SLC25A20: variants seen among roughly 807,000 people sequenced by gnomAD.
The protein encoded by SLC25A20 is solute carrier family 25 member 20.
In SLC25A20, 29 loss-of-function variants were observed where a neutral mutation model predicts 39.7. That is an observed-to-expected ratio of 0.73 (90% confidence interval 0.54 to 1.00). The LOEUF (loss-of-function observed/expected upper bound fraction) is 1.00. SLC25A20 is among the 50% of genes least tolerant of loss of function. The pLI is 0.00. For synonymous variants in SLC25A20, 103 were observed against 142.2 expected, an observed-to-expected ratio of 0.72 and a Z score of 1.96; for missense variants, 333 against 379.9, an observed-to-expected ratio of 0.88 and a Z score of 1.03.
intron 5 of SLC25A20, 122 bp downstream of exon 5, chr3:48,862,420 T>C: frequency 1.3e-6 from 1 of 755,474 alleles, no homozygotes; most frequent in Non-Finnish European, 2.5e-6. Flanking sequence ...ACTGCCAGTA[T>C]TGTCAGAGAT....
chr3:48,861,636 A>C (rs1405670750), intron 5 of SLC25A20, among the ~76,000 whole-genome samples: 1 of 152,090 alleles, frequency 6.6e-6, no homozygotes, highest in Non-Finnish European at 1.5e-5. Flanking sequence ...CTGAGGCAGG[A>C]GAGTCACTTG....
At chr3:48,870,493 G>C (rs1399495721) in intron 4 of SLC25A20, among the ~76,000 whole-genome samples, 3 of 151,578 alleles carry the variant, frequency 2.0e-5, no homozygotes, top group Non-Finnish European at 4.4e-5. Flanking sequence ...GAAACACTTA[G>C]GTGTAAATGT....
At chr3:48,891,281 G>A (rs533993635) in intron 2 of SLC25A20, among the ~76,000 whole-genome samples, 3 of 152,054 alleles carry the variant, frequency 2.0e-5, no homozygotes, top group Admixed American at 6.6e-5. Flanking sequence ...CATGATGTTG[G>A]CCAGGGTGGT....
At chr3:48,865,595 TAAAAAAAAAAA>T (rs766275901) in intron 4 of SLC25A20, among the ~76,000 whole-genome samples, 1 of 85,104 alleles carries the variant, frequency 1.2e-5, no homozygotes, top group African/African-American at 4.3e-5. Context: ...ACCCTGTTTC[TAAAAAAAAAAA>T]AAAAAAAAAA....
intron 1 of SLC25A20, among the ~76,000 whole-genome samples, chr3:48,897,484 C>T (rs1386818583): frequency 6.6e-5 from 10 of 151,108 alleles, no homozygotes. Context: ...GTAGACAGTG[C>T]CGCTTGGAAT....
chr3:48,862,783 T>G, intron 4 of SLC25A20, 124 bp from the exon 5 acceptor site: 1 of 726,700 alleles, frequency 1.4e-6, no homozygotes, highest in Non-Finnish European at 2.5e-6. Flanking sequence ...CACTGTCAAA[T>G]TGATAAGTAT....
At chr3:48,878,515 T>G (rs557510684) in intron 4 of SLC25A20, among the ~76,000 whole-genome samples, 24 of 149,036 alleles carry the variant, frequency 1.6e-4, no homozygotes, top group Middle Eastern at 3.7e-3. Flanking sequence ...AAAAAATTTT[T>G]GGGGCTGGGC....
chr3:48,879,293 TAA>T, intron 4 of SLC25A20, 63 bp downstream of exon 4: 1 of 1,225,886 alleles, frequency 8.2e-7, no homozygotes, highest in Non-Finnish European at 1.2e-6. Flanking sequence ...TGAAAGGACA[TAA>T]ACATGCACAC....
At chr3:48,883,905 T>G in intron 3 of SLC25A20, 92 bp downstream of exon 3, 97 of 1,488,052 alleles carry the variant, frequency 6.5e-5, no homozygotes, top group Non-Finnish European at 8.2e-5. Context: ...ATTACAGGTA[T>G]GAGCCACCGC....
intron 2 of SLC25A20, 148 bp downstream of exon 2, chr3:48,891,832 G>T (rs1183633367): frequency 2.8e-5 from 21 of 753,952 alleles, no homozygotes; most frequent in Non-Finnish European, 4.7e-5. Context: ...ATGACAACAG[G>T]GGGGCACAGG....
chr3:48,896,290 C>T (rs528190614), intron 1 of SLC25A20, among the ~76,000 whole-genome samples: 5 of 151,952 alleles, frequency 3.3e-5, no homozygotes, highest in Admixed American at 2.6e-4. Flanking sequence ...CAGCCTCAGC[C>T]GCCTGAGTAG....
At chr3:48,888,955 A>C (rs894780298) in intron 2 of SLC25A20, among the ~76,000 whole-genome samples, 1 of 151,748 alleles carries the variant, frequency 6.6e-6, no homozygotes, top group Non-Finnish European at 1.5e-5. Flanking sequence ...ATGGTGGTGC[A>C]TGCCTATAAT....
At chr3:48,873,470 G>A (rs1415526724) in intron 4 of SLC25A20, among the ~76,000 whole-genome samples, 8 of 151,776 alleles carry the variant, frequency 5.3e-5, no homozygotes, top group Non-Finnish European at 1.2e-4. Context: ...TGAGCTGGGC[G>A]TGGTGGTGTG....
chr3:48,874,045 T>C (rs894107693), intron 4 of SLC25A20, among the ~76,000 whole-genome samples: 4 of 151,116 alleles, frequency 2.6e-5, no homozygotes, highest in African/African-American at 7.3e-5. Flanking sequence ...TCCCAGCACT[T>C]TGGGAGGCCG....
intron 4 of SLC25A20, among the ~76,000 whole-genome samples, chr3:48,867,859 G>A (rs1480680810): frequency 6.6e-6 from 1 of 151,328 alleles, no homozygotes; most frequent in Non-Finnish European, 1.5e-5. Flanking sequence ...TCAGGAGTTC[G>A]AGACCAGCCT....
chr3:48,898,631 A>G (rs1284872964), intron 1 of SLC25A20, 59 bp downstream of exon 1: 1 of 1,485,012 alleles, frequency 6.7e-7, no homozygotes, highest in Non-Finnish European at 9.2e-7. Flanking sequence ...GCGGGGGACC[A>G]TGCTTTCCGC....
chr3:48,883,358 G>A (rs191700954), intron 3 of SLC25A20, among the ~76,000 whole-genome samples: 23 of 152,084 alleles, frequency 1.5e-4, no homozygotes, highest in African/African-American at 5.1e-4. Context: ...ATCGTGACCA[G>A]CCTAATGTGG....
intron 1 of SLC25A20, 123 bp downstream of exon 1, chr3:48,898,567 A>G: frequency 1.1e-6 from 1 of 932,630 alleles, no homozygotes; most frequent in Non-Finnish European, 1.7e-6. Context: ...GAGATTCCCT[A>G]GACTTCTCAC....
intron 1 of SLC25A20, among the ~76,000 whole-genome samples, chr3:48,896,246 T>C (rs2083909140): frequency 6.6e-6 from 1 of 151,804 alleles, no homozygotes; most frequent in Non-Finnish European, 1.5e-5. Context: ...AAAGGCTCAC[T>C]GCAGCCTCAA....
Sources: gnomAD v4.1 joint callset for allele counts (sites outside exome capture counted in the v4.1 genomes callset) on GRCh38, gnomAD v4.1.1 for gene constraint, MANE v1.5 for transcripts, NCBI Gene and HGNC (gene_info 2026-07-23, HGNC 2026-07-21) for gene names.